REEP1: variants seen among roughly 807,000 people sequenced by gnomAD.
REEP1 encodes receptor expression-enhancing protein 1.
REEP1 carries 22 observed loss-of-function variants against 40.3 expected under a neutral mutation model. The ratio of observed to expected loss-of-function variants is 0.55; its 90% confidence interval spans 0.39 to 0.78. REEP1 has a LOEUF of 0.78. Among genes scored for constraint, REEP1 ranks in the 30% least tolerant of loss-of-function variants. REEP1 has a pLI of 0.00. For missense variants in REEP1, 280 were observed against 361.1 expected, an observed-to-expected ratio of 0.78 and a Z score of 1.82; for synonymous variants, 116 against 139.2, an observed-to-expected ratio of 0.83 and a Z score of 1.17.
chr2:86,285,505 C>T (rs1263428950), intron 1 of REEP1, among the ~76,000 whole-genome samples: 1 of 152,204 alleles, frequency 6.6e-6, no homozygotes. Context: ...CTCTCAAATA[C>T]ATAGGGAAAA....
At position 86,317,126 on chromosome 2, in the gene REEP1, G is replaced by A. The variant is rs143011478; in HGVS notation, c.32+20353C>T. Reference sequence around the variant, plus strand: ...CAGACCTGGGTCTAATCATTAGGATGAGTCCGACACATGCAGAACACTCTC... The same window carrying A: ...CAGACCTGGGTCTAATCATTAGGATAAGTCCGACACATGCAGAACACTCTC... On this transcript the variant is annotated intron_variant, in intron 1 of 8. Transcript: ENST00000538924. Among the ~76,000 whole-genome samples the A allele has an allele frequency of 1.5e-3, 232 of 152,268 alleles. 5 individuals are homozygous for A. Among genetic ancestry groups the A allele is most frequent in the Admixed American group, 0.012 (176 of 15,300 alleles).
upstream of REEP1, chr2:86,338,077 A>G (rs1209983277): frequency 2.0e-6 from 3 of 1,537,224 alleles, no homozygotes; most frequent in South Asian, 3.6e-5. Flanking sequence ...CTTTCTGCAT[A>G]AGAAACAAAC....
At chr2:86,275,091 C>T (rs1012413625) in intron 2 of REEP1, among the ~76,000 whole-genome samples, 1 of 152,188 alleles carries the variant, frequency 6.6e-6, no homozygotes, top group Non-Finnish European at 1.5e-5. Flanking sequence ...CACCCTCTTG[C>T]ATCTGGGCCC....
chr2:86,264,586 C>T (rs1464852650), intron 2 of REEP1, among the ~76,000 whole-genome samples: 1 of 152,114 alleles, frequency 6.6e-6, no homozygotes, highest in African/African-American at 2.4e-5. Flanking sequence ...ATCCTAATAC[C>T]AAGCCACCCC....
intron 1 of REEP1, among the ~76,000 whole-genome samples, chr2:86,312,413 C>A (rs952388681): frequency 6.6e-6 from 1 of 152,218 alleles, no homozygotes; most frequent in Admixed American, 6.5e-5. Flanking sequence ...GCACTGGACC[C>A]TAATCTCATT....
At chr2:86,229,046 G>A (rs187115481) in intron 6 of REEP1, among the ~76,000 whole-genome samples, 16 of 152,264 alleles carry the variant, frequency 1.1e-4, no homozygotes, top group Admixed American at 9.8e-4. Flanking sequence ...AGAATTCCAC[G>A]AGGTGCAGCT....
rs1681098861 is a variant in REEP1 at position 86,337,383 on chromosome 2, G to A, written c.32+96C>T. The A allele has an allele frequency of 2.5e-6, 2 of 789,174 alleles. No individual in the cohort carries two copies. The highest frequency in any genetic ancestry group is 1.7e-6 in the Non-Finnish European group (1 of 596,938). 48.9% of individuals were successfully genotyped at this position (789,174 alleles called of 1,614,324 possible). A position where few individuals can be genotyped will look rare whatever the true frequency, so the allele number is the denominator to read the frequency against. ...TAGCTGCGCCGGGTATTAATAGCCC[G>A]AGCCACTGGGACCGGGCGCTGTAGG... is the stretch of plus-strand genomic sequence containing the variant. On this transcript the variant is annotated intron_variant, in intron 1 of 8. Coordinates refer to ENST00000538924, the MANE Select transcript of REEP1 (RefSeq NM_001371279.1). This position sits in a 1 kb window ranked among gnomAD's most constrained non-coding sequence, Gnocchi z 5.8.
At chr2:86,329,046 G>A (rs1680639395) in intron 1 of REEP1, among the ~76,000 whole-genome samples, 1 of 152,176 alleles carries the variant, frequency 6.6e-6, no homozygotes, top group South Asian at 2.1e-4. Flanking sequence ...TGAATGCAGA[G>A]ATTTTATTGA....
intron 1 of REEP1, among the ~76,000 whole-genome samples, chr2:86,329,136 C>T (rs1330587742): frequency 6.6e-6 from 1 of 152,200 alleles, no homozygotes; most frequent in Admixed American, 6.5e-5. Context: ...GGAGTGCGGC[C>T]ATCCCTGGCC....
At chr2:86,284,671 G>A (rs1449547692) in intron 1 of REEP1, among the ~76,000 whole-genome samples, 3 of 152,206 alleles carry the variant, frequency 2.0e-5, no homozygotes, top group South Asian at 2.1e-4. Context: ...CCTGCCCTGG[G>A]ACAGCATGTG....
chr2:86,323,427 C>A (rs1680357362), intron 1 of REEP1, among the ~76,000 whole-genome samples: 1 of 152,034 alleles, frequency 6.6e-6, no homozygotes, highest in Non-Finnish European at 1.5e-5. Flanking sequence ...TGTTAGGAAC[C>A]TGGCTGCACA....
chr2:86,232,581 G>A (rs766425680), intron 6 of REEP1, 44 bp downstream of exon 6: 17 of 1,603,676 alleles, frequency 1.1e-5, no homozygotes, highest in Non-Finnish European at 1.3e-5. Flanking sequence ...CAATGAAAGC[G>A]AGGCCCAAGG....
In REEP1 at chr2:86,214,119, T is replaced by A; in HGVS notation, c.*2920A>T. On this transcript the variant is annotated 3_prime_UTR_variant, in exon 9 of 9. Transcript: ENST00000538924. ...CTTTGATGCACAGTCCAGTATACTA[T>A]TTTATTACAGATCATTCTATAGGGA... The A allele has an allele frequency of 6.2e-6, 1 of 160,498 alleles. No individual in the cohort carries two copies. 9.9% of individuals were successfully genotyped at this position (160,498 alleles called of 1,614,324 possible). A position where few individuals can be genotyped will look rare whatever the true frequency, so the allele number is the denominator to read the frequency against.
At chr2:86,258,049 C>T (rs968170475) in intron 3 of REEP1, among the ~76,000 whole-genome samples, 53 of 152,318 alleles carry the variant, frequency 3.5e-4, no homozygotes, top group African/African-American at 1.2e-3. Context: ...TCTTTGTGAA[C>T]GGTGCTGAGG....
At chr2:86,230,371 G>C (rs958055210) in intron 6 of REEP1, among the ~76,000 whole-genome samples, 1 of 152,238 alleles carries the variant, frequency 6.6e-6, no homozygotes, top group African/African-American at 2.4e-5. Context: ...TGGGCCTGGG[G>C]GCCTCAGCCC....
chr2:86,269,587 T>C (rs1374305048), intron 2 of REEP1, among the ~76,000 whole-genome samples: 1 of 152,138 alleles, frequency 6.6e-6, no homozygotes, highest in Non-Finnish European at 1.5e-5. Context: ...CAGCAAACCA[T>C]CTACATACTG....
At chr2:86,327,181 C>T (rs537060512) in intron 1 of REEP1, among the ~76,000 whole-genome samples, 5 of 152,198 alleles carry the variant, frequency 3.3e-5, no homozygotes, top group Non-Finnish European at 7.3e-5. Context: ...TTTTTTACTT[C>T]CAGAAGTGCT....
At chr2:86,305,352 C>A (rs1031748728) in intron 1 of REEP1, among the ~76,000 whole-genome samples, 2 of 152,188 alleles carry the variant, frequency 1.3e-5, no homozygotes, top group African/African-American at 4.8e-5. Flanking sequence ...TCTGTGTACC[C>A]GTTTCCTCCC....
At chr2:86,244,958 A>G (rs1331001152) in intron 5 of REEP1, among the ~76,000 whole-genome samples, 1 of 152,228 alleles carries the variant, frequency 6.6e-6, no homozygotes, top group African/African-American at 2.4e-5. Flanking sequence ...CAGCCTGGCC[A>G]ACATGGCGAA....
Sources: gnomAD v4.1 joint callset for allele counts (sites outside exome capture counted in the v4.1 genomes callset) on GRCh38, gnomAD v4.1.1 for gene constraint, Gnocchi (gnomAD v3.1) non-coding constraint, MANE v1.5 for transcripts, NCBI Gene and HGNC (gene_info 2026-07-23, HGNC 2026-07-21) for gene names.